Variants in ADAM22 observed in about 807,000 individuals in gnomAD.
ADAM22 encodes ADAM metallopeptidase domain 22.
A neutral mutation model predicts 144.6 loss-of-function variants in ADAM22; 65 were observed. That is an observed-to-expected ratio of 0.45 (90% CI 0.37 to 0.55). The LOEUF (loss-of-function observed/expected upper bound fraction) is 0.55. Among genes scored for constraint, ADAM22 ranks in the 20% least tolerant of loss-of-function variants. The pLI is 0.00. For missense variants in ADAM22, 974 were observed against 1,184.9 expected (o/e 0.82, Z 2.61); for synonymous variants, 391 against 412.6 (o/e 0.95, Z 0.63).
intron 21 of ADAM22, among the ~76,000 whole-genome samples, chr7:88,153,978 C>A (rs184924685): frequency 6.6e-6 from 1 of 152,304 alleles, no homozygotes; most frequent in East Asian, 1.9e-4. Flanking sequence ...TGAAAGTTCA[C>A]TGGTTCCACA....
intron 3 of ADAM22, among the ~76,000 whole-genome samples, chr7:88,032,115 G>A (rs759645492): frequency 6.6e-6 from 1 of 152,180 alleles, no homozygotes; most frequent in Non-Finnish European, 1.5e-5. Context: ...ACACATTGGG[G>A]CACTCCTGGT....
intron 3 of ADAM22, among the ~76,000 whole-genome samples, chr7:88,055,379 G>T (rs561126143): frequency 6.6e-6 from 1 of 151,750 alleles, no homozygotes; most frequent in African/African-American, 2.4e-5. Flanking sequence ...AAAAAAAATC[G>T]CTTTTTTTTT....
At chr7:88,142,694 T>G (rs370240097) in intron 14 of ADAM22, among the ~76,000 whole-genome samples, 3 of 151,790 alleles carry the variant, frequency 2.0e-5, no homozygotes, top group Non-Finnish European at 4.4e-5. Flanking sequence ...AAAAATTAGC[T>G]GGGCATGGTG....
intron 25 of ADAM22, 50 bp from the exon 26 acceptor site, chr7:88,171,494 G>T: frequency 2.5e-6 from 3 of 1,195,274 alleles, no homozygotes; most frequent in Non-Finnish European, 2.2e-6. Context: ...TCCTTCCAGA[G>T]GTAACTAACT....
chr7:88,013,109 C>T (rs1795811726), intron 3 of ADAM22, among the ~76,000 whole-genome samples: 1 of 152,170 alleles, frequency 6.6e-6, no homozygotes, highest in Non-Finnish European at 1.5e-5. Flanking sequence ...TATGTTAGTC[C>T]ACAGTCAGCC....
chr7:87,938,438 A>G (rs540249117), intron 2 of ADAM22, among the ~76,000 whole-genome samples: 1 of 151,120 alleles, frequency 6.6e-6, no homozygotes, highest in Admixed American at 6.6e-5. Flanking sequence ...AGGCTGGTCT[A>G]GAACTCCTGA....
intron 4 of ADAM22, among the ~76,000 whole-genome samples, chr7:88,076,051 G>T (rs1482011127): frequency 6.6e-6 from 1 of 152,012 alleles, no homozygotes; most frequent in Non-Finnish European, 1.5e-5. Flanking sequence ...TCTCGCTCTT[G>T]TCGCCCAGCT....
chr7:87,966,073 G>T (rs1848984048), intron 2 of ADAM22, among the ~76,000 whole-genome samples: 1 of 152,132 alleles, frequency 6.6e-6, no homozygotes, highest in Non-Finnish European at 1.5e-5. Context: ...ACTATTTTCA[G>T]CTTGCATATG....
chr7:88,000,045 T>C (rs554363801), intron 3 of ADAM22, among the ~76,000 whole-genome samples: 7 of 152,300 alleles, frequency 4.6e-5, no homozygotes, highest in Non-Finnish European at 2.9e-5. Flanking sequence ...TGACAGAGTT[T>C]ACCAATATGA....
chr7:88,027,964 A>G (rs1388888464), intron 3 of ADAM22, among the ~76,000 whole-genome samples: 1 of 151,950 alleles, frequency 6.6e-6, no homozygotes, highest in African/African-American at 2.4e-5. Context: ...CTAATTTTGT[A>G]TTTTTAGTAG....
chr7:88,092,781 A>AT (rs1156822261), intron 4 of ADAM22, among the ~76,000 whole-genome samples: 5 of 152,232 alleles, frequency 3.3e-5, no homozygotes, highest in Admixed American at 2.0e-4. Flanking sequence ...TTAACTCTGT[A>AT]TCCTGAGGAA....
chr7:88,194,932 A>G (rs1464208746), intron 31 of ADAM22, among the ~76,000 whole-genome samples: 2 of 152,188 alleles, frequency 1.3e-5, no homozygotes, highest in Non-Finnish European at 2.9e-5. Context: ...ATATAAAATG[A>G]CCTAAGGTAG....
intron 17 of ADAM22, among the ~76,000 whole-genome samples, chr7:88,146,027 C>T (rs550131956): frequency 6.6e-6 from 1 of 152,262 alleles, no homozygotes; most frequent in South Asian, 2.1e-4. Flanking sequence ...TAGAATGCAT[C>T]TTTACACACT....
intron 3 of ADAM22, among the ~76,000 whole-genome samples, chr7:88,022,621 A>G (rs1401743262): frequency 6.6e-6 from 1 of 152,182 alleles, no homozygotes; most frequent in Non-Finnish European, 1.5e-5. Flanking sequence ...GTTTTGGTGT[A>G]TGAAATTTAA....
In ADAM22 at chr7:88,201,744, G is replaced by GA. The variant is rs1488660844; in HGVS notation, c.*5253_*5254insA. Reference sequence around the variant, plus strand: ...GAAATCAAAACCAGGCAATATGTGTGTTTTTGGTTTTGTTTTACAAAAAGG... The same window carrying GA: ...GAAATCAAAACCAGGCAATATGTGTGATTTTTGGTTTTGTTTTACAAAAAGG... On this transcript the variant is annotated 3_prime_UTR_variant, in exon 32 of 32. Transcript: ENST00000413139. 1.3e-5 allele frequency: 2 copies of GA among 152,212 alleles called. No individual in the cohort carries two copies. Among genetic ancestry groups the GA allele is most frequent in the East Asian group, 3.9e-4 (2 of 5,184 alleles). 9.4% of individuals were successfully genotyped at this position (152,212 alleles called of 1,614,324 possible). A position where few individuals can be genotyped will look rare whatever the true frequency, so the allele number is the denominator to read the frequency against.
intron 3 of ADAM22, among the ~76,000 whole-genome samples, chr7:87,995,988 CT>C (rs1432060985): frequency 6.6e-6 from 1 of 152,162 alleles, no homozygotes; most frequent in Admixed American, 6.5e-5. Flanking sequence ...CTGCTGAGCC[CT>C]CTGTAACTTT....
chr7:88,007,164 T>C (rs1173988095), intron 3 of ADAM22, among the ~76,000 whole-genome samples: 1 of 152,176 alleles, frequency 6.6e-6, no homozygotes, highest in East Asian at 1.9e-4. Flanking sequence ...TCAAAGAGAA[T>C]GAGATACTTA....
chr7:88,058,807 A>G (rs17150178), intron 3 of ADAM22, among the ~76,000 whole-genome samples: 4,976 of 152,292 alleles, frequency 0.033, 297 homozygotes, highest in African/African-American at 0.11. Flanking sequence ...AATGTCAGAA[A>G]AAGAATTTTA....
At chr7:87,944,839 T>G (rs973144915) in intron 2 of ADAM22, among the ~76,000 whole-genome samples, 4 of 151,768 alleles carry the variant, frequency 2.6e-5, no homozygotes, top group Non-Finnish European at 4.4e-5. Context: ...TTGTTTTTTT[T>G]TTTTTAGTCA....
Sources: gnomAD v4.1 joint callset for allele counts (sites outside exome capture counted in the v4.1 genomes callset) on GRCh38, gnomAD v4.1.1 for gene constraint, MANE v1.5 for transcripts, NCBI Gene and HGNC (gene_info 2026-07-23, HGNC 2026-07-21) for gene names.